CNOT4: variants seen among roughly 807,000 people sequenced by gnomAD.
The protein encoded by CNOT4 is CCR4-NOT transcription complex subunit 4, also known as CCR4-associated factor 4.
In CNOT4, 8 loss-of-function variants were observed where a neutral mutation model predicts 73.8. The observed-to-expected ratio is 0.11, with a 90% CI of 0.06 to 0.20. CNOT4 has a LOEUF of 0.20. Among genes scored for constraint, CNOT4 ranks in the 10% least tolerant of loss-of-function variants. CNOT4 has a pLI of 1.00. For synonymous variants in CNOT4, 293 were observed against 321.1 expected (o/e 0.91, Z 0.94); for missense variants, 564 against 883.4 (o/e 0.64, Z 4.58).
At position 135,364,073 on chromosome 7, in the gene CNOT4, G is replaced by A; in HGVS notation, c.1628-7C>T. ...TCTACAGAACTGCTGTTGTCTGGGA[G>A]ATTTACCAACAAAAAAATGAAAGAT... is the stretch of plus-strand genomic sequence containing the variant. On this transcript the variant is annotated splice_polypyrimidine_tract_variant and splice_region_variant and intron_variant, in intron 10 of 11. Transcript: ENST00000541284. The surrounding 1 kb of genome is among the most constrained non-coding windows in gnomAD (Gnocchi z 4.3). 1 of 1,543,240 alleles carries A rather than the reference G, an allele frequency of 6.5e-7. No individual in the cohort carries two copies. Among genetic ancestry groups the A allele is most frequent in the Non-Finnish European group, 8.7e-7 (1 of 1,147,474 alleles).
chr7:135,382,059 G>A (rs111232040), intron 10 of CNOT4, among the ~76,000 whole-genome samples: 5,292 of 152,170 alleles, frequency 0.035, 311 homozygotes, highest in African/African-American at 0.12. Flanking sequence ...CTGGAGAAAA[G>A]GAAATGGTTC....
In CNOT4 at chr7:135,363,226, T is replaced by C. The variant is rs1794735062; in HGVS notation, c.1841-40A>G. 5 of 1,590,616 alleles carry C rather than the reference T, an allele frequency of 3.1e-6. No individual in the cohort carries two copies. The African/African-American group carries it at 5.4e-5, about 17-fold the overall frequency. On this transcript the variant is annotated intron_variant, in intron 11 of 11. Transcript: ENST00000541284. The surrounding 1 kb of genome is among the most constrained non-coding windows in gnomAD (Gnocchi z 4.3). ...GAAAAAAGAGGGAAAATGGTGAGTT[T>C]GTGTGGAAAGAATAAGGTCGTCAAA...
intron 3 of CNOT4, among the ~76,000 whole-genome samples, chr7:135,419,692 CAATAT>C (rs1387890425): frequency 6.6e-6 from 1 of 152,000 alleles, no homozygotes; most frequent in Admixed American, 6.6e-5. Context: ...TCATTTCCTT[CAATAT>C]AATAGTTAAG....
At chr7:135,406,900 C>T (rs555410436) in intron 7 of CNOT4, among the ~76,000 whole-genome samples, 6 of 152,216 alleles carry the variant, frequency 3.9e-5, no homozygotes, top group South Asian at 2.1e-4. Flanking sequence ...TAACTGATTA[C>T]AAAAATAAGT....
intron 1 of CNOT4, among the ~76,000 whole-genome samples, chr7:135,491,807 T>C (rs1170418877): frequency 6.6e-6 from 1 of 152,064 alleles, no homozygotes; most frequent in Non-Finnish European, 1.5e-5. Flanking sequence ...GAAGGGAGAA[T>C]GGCTAGGGCA....
intron 1 of CNOT4, among the ~76,000 whole-genome samples, chr7:135,469,653 A>G (rs1801448586): frequency 6.6e-6 from 1 of 152,004 alleles, no homozygotes; most frequent in Admixed American, 6.6e-5. Flanking sequence ...CCCCTCTATC[A>G]CTATGGTCCA....
In CNOT4 at chr7:135,376,763, C is replaced by G. The variant is rs571536081; in HGVS notation, c.1628-12697G>C. Among the ~76,000 whole-genome samples, 3 of 152,264 alleles carry G rather than the reference C, an allele frequency of 2.0e-5. No individual in the cohort carries two copies. In the East Asian group the frequency reaches 5.8e-4, roughly 29 times the overall value. ...TCTAAAAGATGGCTCCTATCAGCAT[C>G]GAATTGTCTTAAGCATTTAAATCAA... On this transcript the variant is annotated intron_variant, in intron 10 of 11. Coordinates refer to ENST00000541284, the MANE Select transcript of CNOT4 (RefSeq NM_001190850.2).
chr7:135,392,592 T>A lies in CNOT4; in HGVS notation c.1627+1326A>T, dbSNP rs185000763. On this transcript the variant is annotated intron_variant, in intron 10 of 11. Coordinates refer to ENST00000541284, the MANE Select transcript of CNOT4 (RefSeq NM_001190850.2). ...GAACACATTGTTTCACAAGTAAGTATCATGTAGAAGAAGAGGACTGAAAAA... is the reference window on the plus strand; with the variant it reads ...GAACACATTGTTTCACAAGTAAGTAACATGTAGAAGAAGAGGACTGAAAAA... 1.4e-4 allele frequency among the ~76,000 whole-genome samples: 21 copies of A among 152,248 alleles called. No individual in the cohort carries two copies. In the East Asian group the frequency reaches 3.9e-3, roughly 28 times the overall value.
intron 1 of CNOT4, among the ~76,000 whole-genome samples, chr7:135,460,074 AAG>A (rs758596298): frequency 5.3e-5 from 8 of 152,214 alleles, no homozygotes; most frequent in Non-Finnish European, 1.2e-4. Flanking sequence ...CATACAATGG[AAG>A]AGAGAGCCTT....
rs1275442924 is a variant in CNOT4, at chr7:135,504,491, TTTTTA to T, written c.-93+5393_-93+5397del. Among the ~76,000 whole-genome samples the T allele has an allele frequency of 1.7e-4, 14 of 84,282 alleles. 3 individuals are homozygous for T. Among genetic ancestry groups the T allele is most frequent in the African/African-American group, 6.8e-4 (13 of 19,232 alleles). The allele number at this position is 84,282 out of a possible 152,430, so 55.3% of individuals were successfully genotyped here. On this transcript the variant is annotated intron_variant, in intron 1 of 11. Transcript: ENST00000541284. ...TTTTTTTTTTTTTTTTTTTTTTTTA[TTTTTA>T]TTTTTTTTGAGACGGAGTCTCGCTC...
At chr7:135,460,755 A>G (rs1246578550) in intron 1 of CNOT4, among the ~76,000 whole-genome samples, 1 of 152,162 alleles carries the variant, frequency 6.6e-6, no homozygotes, top group Non-Finnish European at 1.5e-5. Context: ...CAGGGTTGCC[A>G]CAAACCTTCA....
chr7:135,470,882 T>C (rs992028786), intron 1 of CNOT4, among the ~76,000 whole-genome samples: 2 of 152,218 alleles, frequency 1.3e-5, no homozygotes, highest in Non-Finnish European at 2.9e-5. Flanking sequence ...AAATGTTCTA[T>C]ATCTTGATAA....
At chr7:135,423,759 T>C (rs1476729847) in intron 2 of CNOT4, among the ~76,000 whole-genome samples, 5 of 152,134 alleles carry the variant, frequency 3.3e-5, no homozygotes, top group African/African-American at 1.2e-4. Context: ...TAAACACCCA[T>C]ACCACTTGAT....
chr7:135,370,445 T>C (rs944287830), intron 10 of CNOT4, among the ~76,000 whole-genome samples: 1 of 152,216 alleles, frequency 6.6e-6, no homozygotes, highest in African/African-American at 2.4e-5. Flanking sequence ...TTTTATTCAA[T>C]CTTCCAAAAG....
chr7:135,440,327 A>G (rs1799400620), intron 1 of CNOT4, among the ~76,000 whole-genome samples: 1 of 151,078 alleles, frequency 6.6e-6, no homozygotes, highest in Non-Finnish European at 1.5e-5. Flanking sequence ...ACAGCCAGGT[A>G]ACTTTTTTTT....
At chr7:135,478,132 C>A (rs1802113582) in intron 1 of CNOT4, among the ~76,000 whole-genome samples, 1 of 151,990 alleles carries the variant, frequency 6.6e-6, no homozygotes, top group African/African-American at 2.4e-5. Flanking sequence ...ATTTGTCTTT[C>A]ATGATGATAT....
At chr7:135,391,306 A>T (rs1796389201) in intron 10 of CNOT4, among the ~76,000 whole-genome samples, 1 of 152,098 alleles carries the variant, frequency 6.6e-6, no homozygotes, top group African/African-American at 2.4e-5. Flanking sequence ...CTGGTGTGTG[A>T]GACTCTTGAT....
chr7:135,374,504 T>C (rs1187546162), intron 10 of CNOT4, among the ~76,000 whole-genome samples: 1 of 152,202 alleles, frequency 6.6e-6, no homozygotes, highest in Non-Finnish European at 1.5e-5. Context: ...GTCTCTGTAA[T>C]ACTCTTGGCT....
intron 1 of CNOT4, among the ~76,000 whole-genome samples, chr7:135,441,706 C>T (rs1283804766): frequency 6.6e-6 from 1 of 152,026 alleles, no homozygotes; most frequent in African/African-American, 2.4e-5. Flanking sequence ...TACATTGGGG[C>T]TTATGAATAG....
Sources: allele counts gnomAD v4.1 joint callset (sites outside exome capture counted in the v4.1 genomes callset), GRCh38; gene constraint gnomAD v4.1.1; non-coding constraint Gnocchi (gnomAD v3.1); transcripts MANE v1.5; gene names NCBI Gene and HGNC (gene_info 2026-07-23, HGNC 2026-07-21).